Variants in PCDH15 observed in about 807,000 individuals in gnomAD.
PCDH15 encodes the protein protocadherin-15.
A neutral mutation model predicts 178.5 loss-of-function variants in PCDH15; 129 were observed. That is an observed-to-expected ratio of 0.72 (90% confidence interval 0.63 to 0.84). The LOEUF (loss-of-function observed/expected upper bound fraction) is 0.84, where lower values mean the gene tolerates loss of function less well. PCDH15 is among the 40% of genes least tolerant of loss of function. The pLI, the probability that PCDH15 is intolerant of heterozygous loss-of-function variation, is 0.00. For missense variants in PCDH15, 2,230 were observed against 2,099.9 expected, an observed-to-expected ratio of 1.06 and a Z score of -1.21; for synonymous variants, 800 against 732.0, an observed-to-expected ratio of 1.09 and a Z score of -1.50.
chr10:55,286,944 C>G (rs1588881193), intron 1 of PCDH15, among the ~76,000 whole-genome samples: 1 of 151,986 alleles, frequency 6.6e-6, no homozygotes, highest in African/African-American at 2.4e-5. Flanking sequence ...TTTAAACTCT[C>G]AAATCACTTT....
At chr10:55,362,395 C>T (rs996442477) in intron 2 of PCDH15, among the ~76,000 whole-genome samples, 1 of 152,096 alleles carries the variant, frequency 6.6e-6, no homozygotes, top group African/African-American at 2.4e-5. Flanking sequence ...ACAACCTTTC[C>T]TCAAGATGTG....
rs1045323726 is a variant in PCDH15, at chr10:54,818,727, A to G, written c.-29+78723T>C. The stretch of plus-strand genomic sequence containing the variant: ...CCCCCTCCCCGAGTGTTTTTGTTCC[A>G]TCTACTATCTGACTGAAATGGAATT... On this transcript the variant is annotated intron_variant, in intron 3 of 5. Coordinates refer to the PCDH15 transcript ENST00000458638. Among the ~76,000 whole-genome samples, 8 of 152,032 alleles carry G rather than the reference A, an allele frequency of 5.3e-5. No individual in the cohort carries two copies. The South Asian group carries it at 1.2e-3, about 24-fold the overall frequency.
chr10:53,891,523 A>G (rs546352348), intron 26 of PCDH15, among the ~76,000 whole-genome samples: 1 of 152,302 alleles, frequency 6.6e-6, no homozygotes, highest in African/African-American at 2.4e-5. Flanking sequence ...TCAAACTTTA[A>G]AATATATGAG....
At chr10:53,901,889 T>G (rs889865986) in intron 26 of PCDH15, among the ~76,000 whole-genome samples, 2 of 152,176 alleles carry the variant, frequency 1.3e-5, no homozygotes, top group Non-Finnish European at 2.9e-5. Context: ...TTATCAAACT[T>G]TTTTGTTTCC....
intron 2 of PCDH15, among the ~76,000 whole-genome samples, chr10:55,075,660 G>T (rs1280129229): frequency 6.6e-6 from 1 of 151,888 alleles, no homozygotes; most frequent in Non-Finnish European, 1.5e-5. Context: ...ACTGTGCCTG[G>T]CCTGTTTAAA....
rs7069530 is a variant in PCDH15, at chr10:55,131,837, C to T, written c.-80+34739G>A. 8.9e-3 allele frequency among the ~76,000 whole-genome samples: 1,358 copies of T among 152,194 alleles called. 17 individuals carry two copies. Among genetic ancestry groups the T allele is most frequent in the African/African-American group, 0.03 (1,247 of 41,536 alleles). ...GTCTATAGGCAGCCATGGTTGGGCCCAGAAAAAGCACCATGAATTCTCACT... is the reference window on the plus strand; with the variant it reads ...GTCTATAGGCAGCCATGGTTGGGCCTAGAAAAAGCACCATGAATTCTCACT... On this transcript the variant is annotated intron_variant, in intron 2 of 5. Coordinates refer to the PCDH15 transcript ENST00000458638.
chr10:55,330,978 C>T (rs1182857211), intron 2 of PCDH15, among the ~76,000 whole-genome samples: 1 of 151,462 alleles, frequency 6.6e-6, no homozygotes, highest in Non-Finnish European at 1.5e-5. Flanking sequence ...TGGAGCATCG[C>T]CACTCTCCTA....
intron 3 of PCDH15, among the ~76,000 whole-genome samples, chr10:54,832,358 A>G (rs2384579): frequency 1.8e-5 from 1 of 56,978 alleles, no homozygotes; most frequent in African/African-American, 5.8e-5. Context: ...ATATTTTATA[A>G]CATGTCTACT....
chr10:55,572,560 A>G (rs1325496834), intron 2 of PCDH15, among the ~76,000 whole-genome samples: 1 of 152,066 alleles, frequency 6.6e-6, no homozygotes, highest in Non-Finnish European at 1.5e-5. Context: ...TGGAATTTAC[A>G]GTCCATGAGG....
chr10:55,131,600 C>G (rs939698158), intron 2 of PCDH15, among the ~76,000 whole-genome samples: 2 of 152,086 alleles, frequency 1.3e-5, no homozygotes, highest in African/African-American at 4.8e-5. Context: ...TGAAGAGATG[C>G]TTTATTGAGT....
At chr10:55,522,061 C>G (rs1173004189) in intron 2 of PCDH15, among the ~76,000 whole-genome samples, 2 of 151,866 alleles carry the variant, frequency 1.3e-5, no homozygotes, top group African/African-American at 4.8e-5. Context: ...GTCTGTATAT[C>G]TAGAAATAGA....
At chr10:54,011,239 T>C (rs1192355814) in intron 20 of PCDH15, among the ~76,000 whole-genome samples, 1 of 152,144 alleles carries the variant, frequency 6.6e-6, no homozygotes, top group Non-Finnish European at 1.5e-5. Context: ...GCCCTCAGAC[T>C]GTGGAGGGAG....
intron 8 of PCDH15, among the ~76,000 whole-genome samples, chr10:54,314,229 T>G (rs188619021): frequency 6.6e-6 from 1 of 152,112 alleles, no homozygotes; most frequent in Admixed American, 6.6e-5. Context: ...TATTAAATAT[T>G]TGTTTCAGCA....
intron 1 of PCDH15, among the ~76,000 whole-genome samples, chr10:55,169,880 A>C (rs1463174651): frequency 3.3e-5 from 5 of 152,172 alleles, no homozygotes; most frequent in Non-Finnish European, 7.4e-5. Flanking sequence ...TTTAAATAAT[A>C]AGAAGATTTA....
At chr10:54,962,224 C>A (rs1838675589) in intron 2 of PCDH15, among the ~76,000 whole-genome samples, 1 of 152,196 alleles carries the variant, frequency 6.6e-6, no homozygotes, top group African/African-American at 2.4e-5. Flanking sequence ...TCTGGGAGCC[C>A]AGACCTTGGT....
At chr10:55,541,373 T>A (rs1403701010) in intron 2 of PCDH15, among the ~76,000 whole-genome samples, 1 of 151,974 alleles carries the variant, frequency 6.6e-6, no homozygotes, top group African/African-American at 2.4e-5. Flanking sequence ...TTAAAACTTT[T>A]CTTAATGAAG....
chr10:53,823,358 A>C (rs140748627), intron 32 of PCDH15: 11 of 1,612,158 alleles, frequency 6.8e-6, no homozygotes, highest in Non-Finnish European at 8.5e-6. Context: ...GAAGGAAAAG[A>C]CTTGAAAGAA....
chr10:55,285,613 A>AT (rs1186545767), intron 1 of PCDH15, among the ~76,000 whole-genome samples: 4 of 151,228 alleles, frequency 2.6e-5, no homozygotes, highest in Non-Finnish European at 1.5e-5. Context: ...TACTTAACAT[A>AT]TTTTTTTCTT....
chr10:54,295,275 T>G (rs568209258), intron 8 of PCDH15, among the ~76,000 whole-genome samples: 1 of 152,048 alleles, frequency 6.6e-6, no homozygotes, highest in African/African-American at 2.4e-5. Context: ...GACCAATAAG[T>G]GCTCTGTAAA....
Sources: allele counts gnomAD v4.1 joint callset (sites outside exome capture counted in the v4.1 genomes callset), GRCh38; gene constraint gnomAD v4.1.1; transcripts MANE v1.5; gene names NCBI Gene and HGNC (gene_info 2026-07-23, HGNC 2026-07-21).